PCDH11X: variants seen among roughly 807,000 people sequenced by gnomAD.
The protein encoded by PCDH11X is protocadherin-11 X-linked.
Under a neutral mutation model 53.3 loss-of-function variants are expected in PCDH11X, and 18 were observed. That is an observed-to-expected ratio of 0.34 (90% CI 0.23 to 0.50). The LOEUF is 0.50. Ranked by LOEUF, PCDH11X falls within the 20% of genes least tolerant of loss-of-function variation. The pLI, the probability that PCDH11X is intolerant of heterozygous loss-of-function variation, is 0.98. For synonymous variants in PCDH11X, 279 were observed against 393.3 expected (o/e 0.71, Z 3.44); for missense variants, 570 against 1,032.4 (o/e 0.55, Z 6.14).
intron 10 of PCDH11X, among the ~76,000 whole-genome samples, chrX:92,602,999 A>C (rs1178572698): frequency 9.9e-6 from 1 of 101,290 alleles, no homozygotes; most frequent in African/African-American, 3.9e-5. Flanking sequence ...GATTTAAAAG[A>C]AACTCTGCTT....
chrX:91,933,979 T>C (rs1009251586), intron 6 of PCDH11X, among the ~76,000 whole-genome samples: 4 of 110,675 alleles, frequency 3.6e-5, no homozygotes, highest in African/African-American at 1.3e-4. Context: ...TGAGTGTCTC[T>C]AAAGAGAAAG....
At chrX:91,846,466 A>C (rs1467874686) in intron 5 of PCDH11X, among the ~76,000 whole-genome samples, 1 of 109,630 alleles carries the variant, frequency 9.1e-6, no homozygotes, top group Non-Finnish European at 1.9e-5. Context: ...AAATACAAAA[A>C]AATTAGCCGG....
chrX:92,600,309 A>C (rs1363168405), intron 10 of PCDH11X, among the ~76,000 whole-genome samples: 1 of 110,588 alleles, frequency 9.0e-6, no homozygotes, highest in Non-Finnish European at 1.9e-5. Context: ...TACAGTCACA[A>C]GCTGGGGGTG....
At chrX:91,884,509 C>G (rs1388803097) in intron 6 of PCDH11X, among the ~76,000 whole-genome samples, 1 of 110,999 alleles carries the variant, frequency 9.0e-6, no homozygotes, top group Non-Finnish European at 1.9e-5. Flanking sequence ...TTTTATTTCT[C>G]TAGCATTAAA....
chrX:92,113,706 G>A (rs1231590876), intron 6 of PCDH11X: 2 of 1,202,656 alleles, frequency 1.7e-6, no homozygotes, highest in African/African-American at 1.8e-5. Flanking sequence ...CTCGTTCCAC[G>A]TTGATGTAGA....
intron 6 of PCDH11X, among the ~76,000 whole-genome samples, chrX:92,021,278 G>T (rs1164589838): frequency 9.2e-6 from 1 of 109,180 alleles, no homozygotes; most frequent in Non-Finnish European, 1.9e-5. Context: ...CTTCATAAAA[G>T]GTTACAGGAG....
chrX:92,518,846 T>C (rs1324036936), intron 10 of PCDH11X, among the ~76,000 whole-genome samples: 2 of 91,698 alleles, frequency 2.2e-5, no homozygotes, highest in African/African-American at 8.3e-5. Context: ...AAGCTCCACC[T>C]CCCAGGTTCA....
chrX:92,093,197 G>A (rs1315535768), intron 6 of PCDH11X, among the ~76,000 whole-genome samples: 3 of 111,404 alleles, frequency 2.7e-5, no homozygotes, highest in African/African-American at 6.5e-5. Flanking sequence ...CAGCAATGCC[G>A]GAACAGACTG....
At chrX:92,270,439 T>G (rs1285703025) in intron 8 of PCDH11X, among the ~76,000 whole-genome samples, 1 of 112,131 alleles carries the variant, frequency 8.9e-6, no homozygotes, top group East Asian at 2.8e-4. Context: ...CACAGGATGT[T>G]CTTAACATAT....
rs2068601261 is a variant in PCDH11X at position 92,296,033 on chromosome X, G to T, written c.3144+32890G>T. ...GGGAGGCGAGGTTGCAGTGAGCCGA[G>T]ATCGTGCCATTGCACTCCAGTCTGG... On this transcript the variant is annotated intron_variant, in intron 8 of 10. Coordinates refer to ENST00000682573, the MANE Select transcript of PCDH11X (RefSeq NM_032968.5). Among the ~76,000 whole-genome samples the T allele has an allele frequency of 2.8e-5, 3 of 108,797 alleles. 1 individual carries two copies. The South Asian group carries it at 1.2e-3, about 44-fold the overall frequency. The allele number at this position is 108,797 out of a possible 115,157, so 94.5% of individuals were successfully genotyped here. A position where few individuals can be genotyped will look rare whatever the true frequency, so the allele number is the denominator to read the frequency against.
intron 8 of PCDH11X, among the ~76,000 whole-genome samples, chrX:92,367,387 A>G (rs968130098): frequency 1.2e-4 from 13 of 110,724 alleles, no homozygotes; most frequent in Admixed American, 1.9e-4. Flanking sequence ...GCCCCTGTGT[A>G]TCTTTGCACG....
intron 6 of PCDH11X, among the ~76,000 whole-genome samples, chrX:92,006,070 A>G (rs1423998028): frequency 1.8e-5 from 2 of 110,691 alleles, no homozygotes; most frequent in African/African-American, 3.3e-5. Flanking sequence ...TGATTATTAA[A>G]TGGCTTGAGG....
At chrX:91,858,149 G>T (rs1216207400) in intron 5 of PCDH11X, among the ~76,000 whole-genome samples, 2 of 109,341 alleles carry the variant, frequency 1.8e-5, no homozygotes, top group East Asian at 5.8e-4. Flanking sequence ...AGCCACCAAG[G>T]CTTGGGGCTT....
At chrX:91,935,807 A>G (rs1237322138) in intron 6 of PCDH11X, among the ~76,000 whole-genome samples, 1 of 107,231 alleles carries the variant, frequency 9.3e-6, no homozygotes, top group Admixed American at 1.0e-4. Context: ...GAAGGGTGGG[A>G]AAACTCAAAG....
chrX:92,134,584 A>C (rs1026924573), intron 6 of PCDH11X, among the ~76,000 whole-genome samples: 5 of 111,019 alleles, frequency 4.5e-5, no homozygotes, highest in African/African-American at 1.6e-4. Flanking sequence ...GCAAGAAAAA[A>C]TTTGGGGTGA....
At chrX:91,808,298 C>A (rs1316288923) in intron 1 of PCDH11X, among the ~76,000 whole-genome samples, 4 of 107,459 alleles carry the variant, frequency 3.7e-5, no homozygotes, top group Non-Finnish European at 7.7e-5. Flanking sequence ...AGTTCGAGAC[C>A]AGCCTGGCCA....
intron 6 of PCDH11X, among the ~76,000 whole-genome samples, chrX:92,151,205 A>G (rs1216483027): frequency 1.8e-5 from 2 of 108,653 alleles, no homozygotes; most frequent in Non-Finnish European, 3.8e-5. Context: ...TTATTTATTT[A>G]TTTTTGAGAT....
chrX:92,364,966 G>T (rs191270081), intron 8 of PCDH11X, among the ~76,000 whole-genome samples: 3 of 84,205 alleles, frequency 3.6e-5, no homozygotes, highest in Non-Finnish European at 7.2e-5. Flanking sequence ...TATGCTTTGG[G>T]CTTTTTCTAT....
In PCDH11X at chrX:92,037,900, GTTT is replaced by G. The variant is rs796494289; in HGVS notation, c.3033+158641_3033+158643del. On this transcript the variant is annotated intron_variant, in intron 6 of 10. Coordinates refer to ENST00000682573, the MANE Select transcript of PCDH11X (RefSeq NM_032968.5). ...CCCTTTTTGATGGGGTTATTTGTGG[GTTT>G]TTTTTTTTTTTTTCGTAACTGTGTG... 7.3e-3 allele frequency among the ~76,000 whole-genome samples: 647 copies of G among 88,573 alleles called. 6 individuals carry two copies. Among genetic ancestry groups the G allele is most frequent in the African/African-American group, 0.025 (616 of 25,114 alleles). 76.9% of individuals were successfully genotyped at this position (88,573 alleles called of 115,157 possible).
Sources: gnomAD v4.1 joint callset for allele counts (sites outside exome capture counted in the v4.1 genomes callset) on GRCh38, gnomAD v4.1.1 for gene constraint, MANE v1.5 for transcripts, NCBI Gene and HGNC (gene_info 2026-07-23, HGNC 2026-07-21) for gene names.